NME7: variants seen among roughly 807,000 people sequenced by gnomAD.
The protein encoded by NME7 is NME/NM23 family member 7, also known as nucleoside diphosphate kinase 7.
NME7 carries 41 observed loss-of-function variants against 49.1 expected under a neutral mutation model. The ratio of observed to expected loss-of-function variants is 0.83; its 90% CI spans 0.65 to 1.08. The LOEUF (loss-of-function observed/expected upper bound fraction) is 1.08. Among genes scored for constraint, NME7 ranks in the 50% least tolerant of loss-of-function variants. The probability of loss-of-function intolerance (pLI) is 0.00; values close to 1 mark genes in which losing one functional copy is unlikely to be tolerated. For synonymous variants in NME7, 139 were observed against 150.6 expected (o/e 0.92, Z 0.56); for missense variants, 423 against 463.4 (o/e 0.91, Z 0.80).
At chr1:169,219,512 G>T (rs1313597031) in intron 10 of NME7, among the ~76,000 whole-genome samples, 3 of 152,104 alleles carry the variant, frequency 2.0e-5, no homozygotes, top group Non-Finnish European at 1.5e-5. Flanking sequence ...ACCAGAGGAT[G>T]GCTGTATTTC....
chr1:169,352,206 A>G (rs1450854163), intron 1 of NME7, among the ~76,000 whole-genome samples: 1 of 152,108 alleles, frequency 6.6e-6, no homozygotes, highest in Admixed American at 6.6e-5. Context: ...TGAATTCAGT[A>G]ACACGTTAAA....
chr1:169,153,390 C>T (rs1001921123), intron 11 of NME7, among the ~76,000 whole-genome samples: 1 of 152,116 alleles, frequency 6.6e-6, no homozygotes, highest in Non-Finnish European at 1.5e-5. Context: ...CATACTCTAC[C>T]AAAGGAACCC....
At chr1:169,288,374 T>C (rs1250525001) in intron 6 of NME7, among the ~76,000 whole-genome samples, 4 of 152,128 alleles carry the variant, frequency 2.6e-5, no homozygotes, top group Non-Finnish European at 5.9e-5. Flanking sequence ...AATCCATGCA[T>C]GCTCAAGTCC....
chr1:169,337,305 G>A lies in NME7; in HGVS notation c.4-12805C>T, dbSNP rs535951509. ...TGCTGGGGGACCCAGTACACCCTCCGCAGCTGCTGGCCCGGGTGCTAAGTC... is the reference window on the plus strand; with the variant it reads ...TGCTGGGGGACCCAGTACACCCTCCACAGCTGCTGGCCCGGGTGCTAAGTC... On this transcript the variant is annotated intron_variant, in intron 1 of 11. Transcript: ENST00000367811. Among the ~76,000 whole-genome samples the A allele has an allele frequency of 3.3e-5, 5 of 152,294 alleles. No individual in the cohort carries two copies. The South Asian group carries it at 6.2e-4, about 19-fold the overall frequency.
At chr1:169,203,826 C>T (rs988617570) in intron 10 of NME7, among the ~76,000 whole-genome samples, 1 of 152,024 alleles carries the variant, frequency 6.6e-6, no homozygotes, top group African/African-American at 2.4e-5. Context: ...GTGTCTGATC[C>T]CGCATCCCCT....
intron 1 of NME7, among the ~76,000 whole-genome samples, chr1:169,357,191 T>C (rs1367260967): frequency 6.6e-6 from 1 of 152,114 alleles, no homozygotes; most frequent in Non-Finnish European, 1.5e-5. Flanking sequence ...ATTGAATTTC[T>C]CTAAGTTAGT....
At chr1:169,171,753 G>C (rs1443791953) in intron 10 of NME7, among the ~76,000 whole-genome samples, 1 of 151,884 alleles carries the variant, frequency 6.6e-6, no homozygotes, top group Non-Finnish European at 1.5e-5. Context: ...GAAAGAGCGA[G>C]ATTCCATCTC....
At chr1:169,168,181 C>G (rs997179554) in intron 11 of NME7, among the ~76,000 whole-genome samples, 14 of 152,158 alleles carry the variant, frequency 9.2e-5, no homozygotes, top group African/African-American at 3.1e-4. Flanking sequence ...AAAGGTCAAG[C>G]CATACACTTG....
chr1:169,155,762 GTTTTT>G (rs34178237), intron 11 of NME7, among the ~76,000 whole-genome samples: 1 of 141,472 alleles, frequency 7.1e-6, no homozygotes. Flanking sequence ...TTACTGTTTA[GTTTTT>G]TTTTTTTTTT....
At chr1:169,355,320 A>ATATATAATATATTGTATAT (rs1653422110) in intron 1 of NME7, among the ~76,000 whole-genome samples, 1 of 107,542 alleles carries the variant, frequency 9.3e-6, no homozygotes, top group Admixed American at 1.5e-4. Flanking sequence ...ATTGTATATT[A>ATATATAATATATTGTATAT]TATATAATAT....
intron 1 of NME7, among the ~76,000 whole-genome samples, chr1:169,367,463 G>C (rs1475184500): frequency 6.6e-6 from 1 of 152,144 alleles, no homozygotes; most frequent in Non-Finnish European, 1.5e-5. Context: ...TATTAGACTC[G>C]ATGCCTTACC....
chr1:169,353,174 G>C (rs377334799), intron 1 of NME7, among the ~76,000 whole-genome samples: 16 of 152,014 alleles, frequency 1.1e-4, no homozygotes, highest in African/African-American at 3.9e-4. Flanking sequence ...CCAAAACAGC[G>C]TGGTACTGGC....
At chr1:169,290,274 T>C (rs1023667678) in intron 6 of NME7, among the ~76,000 whole-genome samples, 1 of 152,050 alleles carries the variant, frequency 6.6e-6, no homozygotes, top group Non-Finnish European at 1.5e-5. Context: ...GTAATAGTAA[T>C]TTAAAATGAA....
At chr1:169,136,397 C>T (rs1006928266) in intron 11 of NME7, among the ~76,000 whole-genome samples, 1 of 152,102 alleles carries the variant, frequency 6.6e-6, no homozygotes, top group Non-Finnish European at 1.5e-5. Context: ...CTACCATAAA[C>T]GTTTGAAACC....
At chr1:169,350,482 A>G (rs1653130392) in intron 1 of NME7, among the ~76,000 whole-genome samples, 2 of 152,032 alleles carry the variant, frequency 1.3e-5, no homozygotes, top group South Asian at 4.1e-4. Context: ...ATCTTGAAGA[A>G]AGCAGGAGTG....
chr1:169,337,973 A>G (rs1257863584), intron 1 of NME7, among the ~76,000 whole-genome samples: 1 of 152,192 alleles, frequency 6.6e-6, no homozygotes, highest in Non-Finnish European at 1.5e-5. Flanking sequence ...TTCTTCATAA[A>G]TCTATCTTGT....
At position 169,169,304 on chromosome 1, in the gene NME7, A is replaced by G. The variant is rs375676822; in HGVS notation, c.1098+143T>C. On this transcript the variant is annotated intron_variant, in intron 11 of 11. Transcript: ENST00000367811. Reference sequence around the variant, plus strand: ...AAACCACCAGGGCACGTGTATACCTATGTAACAAAACTGCACTCTCTGCAC... The same window carrying G: ...AAACCACCAGGGCACGTGTATACCTGTGTAACAAAACTGCACTCTCTGCAC... 1,518 of 649,372 alleles carry G rather than the reference A, an allele frequency of 2.3e-3. 30 individuals are homozygous for G. In the South Asian group the frequency reaches 0.026, roughly 11 times the overall value. The allele number at this position is 649,372 out of a possible 1,614,324, so 40.2% of individuals were successfully genotyped here. A position where few individuals can be genotyped will look rare whatever the true frequency, so the allele number is the denominator to read the frequency against.
At chr1:169,213,085 A>G (rs1193434768) in intron 10 of NME7, among the ~76,000 whole-genome samples, 1 of 152,172 alleles carries the variant, frequency 6.6e-6, no homozygotes, top group East Asian at 1.9e-4. Context: ...TTATAAAGAA[A>G]ATATATATGT....
Position 169,269,127 on chromosome 1 carries a change from T to C in NME7, c.754+18176A>G, listed in dbSNP as rs924279860. On this transcript the variant is annotated intron_variant, in intron 7 of 11. Transcript: ENST00000367811. ...AAAATTAGGATTCTTTTGTAGGGAC[T>C]AACAGAACTCTTGAGATTCCTTCTA... 3.0e-5 allele frequency among the ~76,000 whole-genome samples: 4 copies of C among 133,724 alleles called. 1 individual carries two copies. The highest frequency in any genetic ancestry group is 1.0e-4 in the African/African-American group (4 of 39,526). The allele number at this position is 133,724 out of a possible 152,430, so 87.7% of individuals were successfully genotyped here. A position where few individuals can be genotyped will look rare whatever the true frequency, so the allele number is the denominator to read the frequency against.
Sources: gnomAD v4.1 joint callset for allele counts (sites outside exome capture counted in the v4.1 genomes callset) on GRCh38, gnomAD v4.1.1 for gene constraint, MANE v1.5 for transcripts, NCBI Gene and HGNC (gene_info 2026-07-23, HGNC 2026-07-21) for gene names.